Variants in RPF2 observed in about 807,000 individuals in gnomAD.
RPF2 encodes the protein ribosome production factor 2 homolog.
In RPF2, 21 loss-of-function variants were observed where a neutral mutation model predicts 38.9. The observed-to-expected ratio is 0.54, with a 90% CI of 0.38 to 0.78. The LOEUF (loss-of-function observed/expected upper bound fraction) is 0.78. Ranked by LOEUF, RPF2 falls within the 30% of genes least tolerant of loss-of-function variation. RPF2 has a pLI of 0.00. For synonymous variants in RPF2, 121 were observed against 126.2 expected, an observed-to-expected ratio of 0.96 and a Z score of 0.28; for missense variants, 314 against 358.1, an observed-to-expected ratio of 0.88 and a Z score of 0.99.
rs1223964918 is a variant in RPF2 at position 110,985,000 on chromosome 6, G to A, written c.24-6G>A. On this transcript the variant is annotated splice_region_variant and splice_polypyrimidine_tract_variant and intron_variant, in intron 1 of 9. Coordinates refer to ENST00000441448, the MANE Select transcript of RPF2 (RefSeq NM_032194.3). ...AAATAGTTATGAATTGTGCTTTTCT[G>A]AACAGAAAGCCCAAAACGAAAAGAG... 20 of 1,609,400 alleles carry A rather than the reference G, an allele frequency of 1.2e-5. No individual in the cohort carries two copies. The highest frequency in any genetic ancestry group is 1.7e-5 in the Admixed American group (1 of 59,564).
Position 110,997,610 on chromosome 6 carries a change from G to A in RPF2, c.316+346G>A, listed in dbSNP as rs145951176. On this transcript the variant is annotated intron_variant, in intron 5 of 9. Transcript: ENST00000441448. ...ACAAAAATTAGCCAGGTGTAGTGGC[G>A]CGTGCCTGTAGTCCAGCTACTCAGG... Among the ~76,000 whole-genome samples, 680 of 152,058 alleles carry A rather than the reference G, an allele frequency of 4.5e-3. 2 individuals carry two copies. Among genetic ancestry groups the A allele is most frequent in the African/African-American group, 8.6e-3 (356 of 41,496 alleles).
chr6:110,988,588 A>G (rs1430118109), intron 2 of RPF2, among the ~76,000 whole-genome samples: 1 of 152,060 alleles, frequency 6.6e-6, no homozygotes, highest in African/African-American at 2.4e-5. Context: ...GGCATGCACC[A>G]CTATGCCTGG....
intron 7 of RPF2, among the ~76,000 whole-genome samples, chr6:111,009,345 C>T (rs922390994): frequency 2.0e-5 from 3 of 152,168 alleles, no homozygotes; most frequent in East Asian, 1.9e-4. Context: ...TGAGCCACTG[C>T]GCCAGGCCTA....
At chr6:110,983,689 G>C (rs1771470214) in intron 1 of RPF2, among the ~76,000 whole-genome samples, 1 of 152,020 alleles carries the variant, frequency 6.6e-6, no homozygotes, top group African/African-American at 2.4e-5. Flanking sequence ...GTGATCTTGG[G>C]CACATTACCT....
chr6:110,996,595 C>T (rs62420357), intron 4 of RPF2, among the ~76,000 whole-genome samples: 7,477 of 152,244 alleles, frequency 0.049, 243 homozygotes, highest in Non-Finnish European at 0.075. Context: ...GACAGCATAA[C>T]AAAATAAATG....
intron 8 of RPF2, among the ~76,000 whole-genome samples, chr6:111,016,946 T>G (rs1299387631): frequency 1.3e-5 from 2 of 152,084 alleles, no homozygotes; most frequent in Admixed American, 1.3e-4. Flanking sequence ...CCGCCCTTAA[T>G]CCATTTAACC....
At chr6:110,983,804 TG>T (rs869058182) in intron 1 of RPF2, among the ~76,000 whole-genome samples, 1 of 86,896 alleles carries the variant, frequency 1.2e-5, no homozygotes, top group Non-Finnish European at 2.2e-5. Flanking sequence ...GGCGGGGGGG[TG>T]GGTCACGAGG....
chr6:111,010,943 G>T (rs1772002577), intron 7 of RPF2, among the ~76,000 whole-genome samples: 1 of 152,018 alleles, frequency 6.6e-6, no homozygotes, highest in East Asian at 1.9e-4. Context: ...TTTTAAAAAA[G>T]AAACTAAGAA....
At chr6:110,997,148 T>C (rs1250816993) in intron 4 of RPF2, 35 bp from the exon 5 acceptor site, 1 of 1,292,002 alleles carries the variant, frequency 7.7e-7, no homozygotes, top group South Asian at 1.2e-5. Flanking sequence ...CTTAAATTTA[T>C]GCATGGACTA....
At chr6:110,985,896 C>G (rs1161860223) in intron 2 of RPF2, among the ~76,000 whole-genome samples, 1 of 124,414 alleles carries the variant, frequency 8.0e-6, no homozygotes, top group African/African-American at 3.5e-5. Flanking sequence ...CGAGATTGTG[C>G]CACTGCTCCA....
intron 7 of RPF2, among the ~76,000 whole-genome samples, chr6:111,014,471 G>A (rs1772073280): frequency 6.6e-6 from 1 of 152,062 alleles, no homozygotes; most frequent in Admixed American, 6.6e-5. Flanking sequence ...AGGAAAAGCA[G>A]ACAACAAAAG....
At chr6:110,991,986 T>C (rs115558016) in intron 4 of RPF2, among the ~76,000 whole-genome samples, 200 bp downstream of exon 4, 151 of 152,280 alleles carry the variant, frequency 9.9e-4, no homozygotes, top group African/African-American at 3.5e-3. Flanking sequence ...AATGTGTTTT[T>C]CATTGCCTGC....
intron 8 of RPF2, among the ~76,000 whole-genome samples, chr6:111,019,590 G>A (rs6938252): frequency 0.38 from 57,933 of 151,682 alleles, 12,276 homozygotes; most frequent in East Asian, 0.77. Flanking sequence ...TACAAAAATT[G>A]GTCAGGCATG....
At chr6:111,006,076 G>T (rs1010837940) in intron 6 of RPF2, among the ~76,000 whole-genome samples, 1 of 151,940 alleles carries the variant, frequency 6.6e-6, no homozygotes, top group African/African-American at 2.4e-5. Flanking sequence ...AAAGTGCTGG[G>T]ATTATAAGGG....
rs971704030 is a variant in RPF2 at position 111,003,268 on chromosome 6, C to T, written c.393+3481C>T. The stretch of plus-strand genomic sequence containing the variant: ...TCACCTACCTACTTTTGTTGCCAAC[C>T]CTCATTCCTCCGTTAACTTGTCCTT... On this transcript the variant is annotated intron_variant, in intron 6 of 9. Transcript: ENST00000441448. Among the ~76,000 whole-genome samples the T allele has an allele frequency of 3.9e-5, 6 of 152,070 alleles. No individual in the cohort carries two copies. In the East Asian group the frequency reaches 1.2e-3, roughly 29 times the overall value.
Position 111,025,771 on chromosome 6 carries a change from A to G in RPF2, c.*189A>G. 1 of 405,526 alleles carries G rather than the reference A, an allele frequency of 2.5e-6. No homozygotes were observed. The highest frequency in any genetic ancestry group is 5.1e-5 in the South Asian group (1 of 19,588). The allele number at this position is 405,526 out of a possible 1,614,324, so 25.1% of individuals were successfully genotyped here. On this transcript the variant is annotated 3_prime_UTR_variant, in exon 10 of 10. Transcript: ENST00000441448. ...GTAAGCCTTTTATTTGAGACATTACACCCTGGTGTGCCATTTTCTCTTGTG... is the reference window on the plus strand; with the variant it reads ...GTAAGCCTTTTATTTGAGACATTACGCCCTGGTGTGCCATTTTCTCTTGTG...
intron 1 of RPF2, among the ~76,000 whole-genome samples, chr6:110,983,806 G>A (rs865919895): frequency 6.7e-6 from 1 of 149,848 alleles, no homozygotes; most frequent in East Asian, 2.0e-4. Flanking sequence ...CGGGGGGGTG[G>A]GTCACGAGGT....
At chr6:111,002,077 T>G (rs2114317805) in intron 6 of RPF2, among the ~76,000 whole-genome samples, 1 of 152,146 alleles carries the variant, frequency 6.6e-6, no homozygotes, top group Non-Finnish European at 1.5e-5. Flanking sequence ...CTCAGGAGTT[T>G]GAGACCAACC....
intron 4 of RPF2, among the ~76,000 whole-genome samples, chr6:110,996,820 TAGACA>T (rs1282419742): frequency 6.6e-6 from 1 of 152,146 alleles, no homozygotes; most frequent in Non-Finnish European, 1.5e-5. Context: ...TTGTTTTTTT[TAGACA>T]GAGTCTTACT....
Sources: allele counts gnomAD v4.1 joint callset (sites outside exome capture counted in the v4.1 genomes callset), GRCh38; gene constraint gnomAD v4.1.1; transcripts MANE v1.5; gene names NCBI Gene and HGNC (gene_info 2026-07-23, HGNC 2026-07-21).